Variants in ADAMTS6 observed in about 807,000 individuals in gnomAD.
The protein encoded by ADAMTS6 is A disintegrin and metalloproteinase with thrombospondin motifs 6.
A neutral mutation model predicts 144.3 loss-of-function variants in ADAMTS6; 23 were observed. That is an observed-to-expected ratio of 0.16 (90% confidence interval 0.11 to 0.23). ADAMTS6 has a LOEUF of 0.23. ADAMTS6 is among the 10% of genes least tolerant of loss of function. The pLI is 1.00. For synonymous variants in ADAMTS6, 444 were observed against 457.5 expected, an observed-to-expected ratio of 0.97 and a Z score of 0.38; for missense variants, 999 against 1,379.6, an observed-to-expected ratio of 0.72 and a Z score of 4.37.
chr5:65,370,332 G>A (rs4700676), intron 7 of ADAMTS6, among the ~76,000 whole-genome samples: 87,165 of 151,958 alleles, frequency 0.57, 26,439 homozygotes, highest in African/African-American at 0.78. Flanking sequence ...AACGCAGAAG[G>A]CGGGTGATTT....
At chr5:65,418,849 T>C (rs1005321136) in intron 7 of ADAMTS6, among the ~76,000 whole-genome samples, 11 of 151,986 alleles carry the variant, frequency 7.2e-5, no homozygotes, top group Non-Finnish European at 1.5e-4. Context: ...CACAATGAAA[T>C]ACCATCTCAC....
chr5:65,457,542 A>G (rs1486369311), intron 4 of ADAMTS6, among the ~76,000 whole-genome samples: 1 of 152,158 alleles, frequency 6.6e-6, no homozygotes, highest in Non-Finnish European at 1.5e-5. Flanking sequence ...ATAATGTGAT[A>G]CATACTTCAA....
intron 7 of ADAMTS6, among the ~76,000 whole-genome samples, chr5:65,435,091 A>AC (rs1757289068): frequency 6.6e-6 from 1 of 152,260 alleles, no homozygotes; most frequent in African/African-American, 2.4e-5. Flanking sequence ...AATTTAAAAA[A>AC]TCAAATTAGA....
chr5:65,391,855 C>T (rs1346453570), intron 7 of ADAMTS6, among the ~76,000 whole-genome samples: 1 of 151,932 alleles, frequency 6.6e-6, no homozygotes, highest in Middle Eastern at 3.2e-3. Context: ...CATGCCTCAG[C>T]CTCCCAAGTA....
At chr5:65,251,446 C>G (rs1462839074) in intron 14 of ADAMTS6, 3 of 152,230 alleles carry the variant, frequency 2.0e-5, no homozygotes, top group Non-Finnish European at 4.4e-5. Flanking sequence ...AATAGAAGGA[C>G]CAAATTTTAT....
chr5:65,373,881 C>A (rs1433802413), intron 7 of ADAMTS6, among the ~76,000 whole-genome samples: 1 of 152,102 alleles, frequency 6.6e-6, no homozygotes, highest in African/African-American at 2.4e-5. Flanking sequence ...CAAACCGAAT[C>A]CAGCAGCACA....
intron 7 of ADAMTS6, among the ~76,000 whole-genome samples, chr5:65,410,818 G>C (rs1243093698): frequency 6.6e-6 from 1 of 152,052 alleles, no homozygotes; most frequent in Non-Finnish European, 1.5e-5. Context: ...TGTCCTCCGG[G>C]TTCATTCATG....
At chr5:65,436,734 T>C (rs1434304025) in intron 7 of ADAMTS6, among the ~76,000 whole-genome samples, 4 of 151,874 alleles carry the variant, frequency 2.6e-5, no homozygotes, top group Non-Finnish European at 5.9e-5. Context: ...GGTGGGCACT[T>C]GTAATCCCAT....
chr5:65,437,918 T>C (rs996009277), intron 7 of ADAMTS6, among the ~76,000 whole-genome samples: 1 of 152,190 alleles, frequency 6.6e-6, no homozygotes, highest in Admixed American at 6.5e-5. Context: ...ATTTCAAACC[T>C]CTTATTCAAA....
intron 4 of ADAMTS6, among the ~76,000 whole-genome samples, chr5:65,457,741 C>CTT (rs1174589942): frequency 2.5e-5 from 3 of 122,204 alleles, no homozygotes; most frequent in East Asian, 2.3e-4. Flanking sequence ...TTTTTTCTTT[C>CTT]TTTCTTTTTT....
chr5:65,237,394 A>C (rs2112470130), intron 15 of ADAMTS6, among the ~76,000 whole-genome samples: 2 of 147,558 alleles, frequency 1.4e-5, no homozygotes, highest in East Asian at 3.9e-4. Flanking sequence ...TCTCAAAAAA[A>C]AAAAAAAAAA....
intron 9 of ADAMTS6, among the ~76,000 whole-genome samples, chr5:65,318,595 G>A (rs1383135102): frequency 1.3e-5 from 2 of 152,172 alleles, no homozygotes; most frequent in East Asian, 1.9e-4. Context: ...GATGGAACTC[G>A]AGATCATTAT....
chr5:65,413,493 T>C (rs944929010), intron 7 of ADAMTS6, among the ~76,000 whole-genome samples: 1 of 152,130 alleles, frequency 6.6e-6, no homozygotes, highest in African/African-American at 2.4e-5. Context: ...ATATTTAAAA[T>C]ATGACTTAAA....
At position 65,214,618 on chromosome 5, in the gene ADAMTS6, G is replaced by T. The variant is rs866401535; in HGVS notation, c.2575+176C>A. 3 of 862,754 alleles carry T rather than the reference G, an allele frequency of 3.5e-6. No individual in the cohort carries two copies. Among genetic ancestry groups the T allele is most frequent in the Non-Finnish European group, 3.6e-6 (2 of 553,622 alleles). The allele number at this position is 862,754 out of a possible 1,614,324, so 53.4% of individuals were successfully genotyped here. On this transcript the variant is annotated intron_variant, in intron 20 of 24. Coordinates refer to ENST00000381055, the MANE Select transcript of ADAMTS6 (RefSeq NM_197941.4). This position sits in a 1 kb window ranked among gnomAD's most constrained non-coding sequence, Gnocchi z 4.6. ...AAATCTGCACAAATTACATGAGGTT[G>T]AAAACAAATGGAATATAATATAATT... is the stretch of plus-strand genomic sequence containing the variant.
At chr5:65,452,663 C>A in intron 5 of ADAMTS6, 44 bp downstream of exon 5, 1 of 1,595,150 alleles carries the variant, frequency 6.3e-7, no homozygotes, top group Non-Finnish European at 8.6e-7. Flanking sequence ...GTCAAAAACA[C>A]AACAAATATG....
At chr5:65,196,515 T>C (rs1209556014) in intron 21 of ADAMTS6, among the ~76,000 whole-genome samples, 1 of 57,672 alleles carries the variant, frequency 1.7e-5, no homozygotes, top group Non-Finnish European at 3.1e-5. Context: ...AGAGCGAGAC[T>C]CCGTCTCAAA....
chr5:65,452,075 C>T, intron 6 of ADAMTS6, 58 bp downstream of exon 6: 1 of 1,255,154 alleles, frequency 8.0e-7, no homozygotes, highest in Non-Finnish European at 1.1e-6. Flanking sequence ...ATAAGTAATT[C>T]TATAGCTCTA....
intron 2 of ADAMTS6, among the ~76,000 whole-genome samples, chr5:65,471,783 A>G (rs1472679393): frequency 6.6e-6 from 1 of 152,098 alleles, no homozygotes. Flanking sequence ...ACGAAAAACA[A>G]AAACAAAAAC....
intron 21 of ADAMTS6, among the ~76,000 whole-genome samples, chr5:65,190,733 T>C (rs530034903): frequency 6.6e-6 from 1 of 152,194 alleles, no homozygotes; most frequent in Non-Finnish European, 1.5e-5. Context: ...TTGGAATATA[T>C]GAAATCAGAA....
Sources: allele counts gnomAD v4.1 joint callset (sites outside exome capture counted in the v4.1 genomes callset), GRCh38; gene constraint gnomAD v4.1.1; non-coding constraint Gnocchi (gnomAD v3.1); transcripts MANE v1.5; gene names NCBI Gene and HGNC (gene_info 2026-07-23, HGNC 2026-07-21).